Variants in METTL25 observed in about 807,000 individuals in gnomAD.
METTL25 encodes the protein probable methyltransferase-like protein 25.
A neutral mutation model predicts 71.6 loss-of-function variants in METTL25; 64 were observed. The observed-to-expected ratio is 0.89, with a 90% CI of 0.73 to 1.10. The LOEUF is 1.10. Among genes scored for constraint, METTL25 ranks in the 50% least tolerant of loss-of-function variants. METTL25 has a pLI of 0.00. For missense variants in METTL25, 807 were observed against 707.0 expected (o/e 1.14, Z -1.60); for synonymous variants, 287 against 250.3 (o/e 1.15, Z -1.38).
chr12:82,454,845 T>C (rs1338630383), intron 8 of METTL25, among the ~76,000 whole-genome samples: 3 of 151,864 alleles, frequency 2.0e-5, no homozygotes, highest in African/African-American at 7.2e-5. Flanking sequence ...ATCTAGACTA[T>C]AATACCAGTA....
chr12:82,373,427 G>A (rs1015488955), intron 1 of METTL25, among the ~76,000 whole-genome samples: 1 of 152,144 alleles, frequency 6.6e-6, no homozygotes, highest in Non-Finnish European at 1.5e-5. Context: ...GTGAGCCCGG[G>A]TGCCTAAAGA....
intron 5 of METTL25, among the ~76,000 whole-genome samples, chr12:82,429,957 G>C (rs1889356414): frequency 1.3e-5 from 2 of 151,384 alleles, no homozygotes; most frequent in Non-Finnish European, 3.0e-5. Context: ...AGTTAAACTT[G>C]TTCTCTTTTA....
intron 5 of METTL25, among the ~76,000 whole-genome samples, chr12:82,415,103 A>G (rs1887867256): frequency 6.6e-6 from 1 of 152,162 alleles, no homozygotes. Context: ...AAACCAACAC[A>G]ATGTTTTCCC....
rs1006107931 is a variant in METTL25, at chr12:82,463,278, T to C, written c.1572+6458T>C. 2.2e-4 allele frequency among the ~76,000 whole-genome samples: 33 copies of C among 151,992 alleles called. 1 individual carries two copies. The highest frequency in any genetic ancestry group is 2.1e-3 in the Admixed American group (32 of 15,246). On this transcript the variant is annotated intron_variant, in intron 9 of 11. Coordinates refer to ENST00000248306, the MANE Select transcript of METTL25 (RefSeq NM_032230.3). ...GATCCTCTGTACTATATTTTACTTC[T>C]AGGAGATTAACTTTTTTTTTCCAGC...
chr12:82,430,433 A>C (rs1010477982), intron 5 of METTL25, among the ~76,000 whole-genome samples: 2 of 151,776 alleles, frequency 1.3e-5, no homozygotes, highest in East Asian at 3.9e-4. Flanking sequence ...AGGGGAACAT[A>C]GTGGCTAAAA....
chr12:82,416,620 T>TGTTTG (rs1193818339), intron 5 of METTL25, among the ~76,000 whole-genome samples: 1 of 151,624 alleles, frequency 6.6e-6, no homozygotes, highest in Non-Finnish European at 1.5e-5. Context: ...TTTGCTTTTT[T>TGTTTG]GTTTTGTTTT....
intron 5 of METTL25, among the ~76,000 whole-genome samples, chr12:82,408,850 G>A (rs969360316): frequency 6.6e-6 from 1 of 152,188 alleles, no homozygotes; most frequent in East Asian, 1.9e-4. Context: ...CATATTTCCT[G>A]TAATATATCA....
At chr12:82,458,174 G>C (rs1261289871) in intron 9 of METTL25, among the ~76,000 whole-genome samples, 1 of 151,884 alleles carries the variant, frequency 6.6e-6, no homozygotes, top group Admixed American at 6.6e-5. Flanking sequence ...AAGATACTAA[G>C]AATAGTTAAT....
chr12:82,475,590 A>T (rs375880299), intron 9 of METTL25, among the ~76,000 whole-genome samples: 1 of 152,012 alleles, frequency 6.6e-6, no homozygotes, highest in African/African-American at 2.4e-5. Flanking sequence ...TCAGATTTTT[A>T]CTCATTTTAT....
At chr12:82,379,946 A>G (rs937189544) in intron 1 of METTL25, among the ~76,000 whole-genome samples, 5 of 152,134 alleles carry the variant, frequency 3.3e-5, no homozygotes, top group Admixed American at 6.6e-5. Context: ...CTAAGTGTGC[A>G]TATTGATCTT....
chr12:82,447,154 A>G (rs995064235), intron 8 of METTL25, among the ~76,000 whole-genome samples: 3 of 152,154 alleles, frequency 2.0e-5, no homozygotes, highest in Non-Finnish European at 2.9e-5. Flanking sequence ...AAAAAAACCC[A>G]CGGAAGATCA....
At chr12:82,376,532 A>T (rs1397101874) in intron 1 of METTL25, among the ~76,000 whole-genome samples, 1 of 152,222 alleles carries the variant, frequency 6.6e-6, no homozygotes, top group East Asian at 1.9e-4. Context: ...TTTACAATTT[A>T]TTCAGAGTTT....
At chr12:82,463,021 C>T (rs1162015882) in intron 9 of METTL25, among the ~76,000 whole-genome samples, 1 of 151,750 alleles carries the variant, frequency 6.6e-6, no homozygotes, top group East Asian at 1.9e-4. Flanking sequence ...AGTGATTAGA[C>T]CAGGGTTATT....
intron 8 of METTL25, among the ~76,000 whole-genome samples, chr12:82,453,458 G>A (rs1234963523): frequency 6.6e-6 from 1 of 152,108 alleles, no homozygotes; most frequent in Non-Finnish European, 1.5e-5. Flanking sequence ...TATGAAGTCA[G>A]ATGTTGGAAA....
chr12:82,379,122 A>G (rs1372858538), intron 1 of METTL25, among the ~76,000 whole-genome samples: 1 of 152,214 alleles, frequency 6.6e-6, no homozygotes, highest in African/African-American at 2.4e-5. Flanking sequence ...CAAGATATAA[A>G]GAGAGATATT....
rs1375482275 is a variant in METTL25 at position 82,422,074 on chromosome 12, G to C, written c.1280-8819G>C. Among the ~76,000 whole-genome samples, 6 of 152,202 alleles carry C rather than the reference G, an allele frequency of 3.9e-5. No individual in the cohort carries two copies. In the East Asian group the frequency reaches 1.2e-3, roughly 29 times the overall value. ...AGGCCAGCATCATCCTGATACCAAA[G>C]CCTGGCAGAGACACAACAAAAAAAT... On this transcript the variant is annotated intron_variant, in intron 5 of 11. Transcript: ENST00000248306.
At chr12:82,471,850 T>C (rs538642689) in intron 9 of METTL25, among the ~76,000 whole-genome samples, 5 of 152,294 alleles carry the variant, frequency 3.3e-5, no homozygotes, top group Admixed American at 2.6e-4. Flanking sequence ...CATAAGTCTC[T>C]TGGGTATCTT....
chr12:82,402,976 T>C lies in METTL25; in HGVS notation c.1132-7T>C. ...CCAAATTTTATTTTTCTTCTTGTAT[T>C]TTAAAGGATTGTTTGATGGTGGGTC... is the stretch of plus-strand genomic sequence containing the variant. On this transcript the variant is annotated splice_polypyrimidine_tract_variant and splice_region_variant and intron_variant, in intron 4 of 11. Transcript: ENST00000248306. The C allele has an allele frequency of 6.4e-7, 1 of 1,573,324 alleles. No individual in the cohort carries two copies. Among genetic ancestry groups the C allele is most frequent in the Non-Finnish European group, 8.6e-7 (1 of 1,165,334 alleles).
intron 3 of METTL25, 60 bp downstream of exon 3, chr12:82,389,982 C>T (rs1885424283): frequency 3.3e-6 from 3 of 903,320 alleles, no homozygotes; most frequent in Admixed American, 1.9e-5. Context: ...TGGTATTATT[C>T]ATATTTCACC....
Sources: gnomAD v4.1 joint callset for allele counts (sites outside exome capture counted in the v4.1 genomes callset) on GRCh38, gnomAD v4.1.1 for gene constraint, MANE v1.5 for transcripts, NCBI Gene and HGNC (gene_info 2026-07-23, HGNC 2026-07-21) for gene names.